HERC5: variants seen among roughly 807,000 people sequenced by gnomAD.
The protein encoded by HERC5 is E3 ISG15--protein ligase HERC5.
A neutral mutation model predicts 119.6 loss-of-function variants in HERC5; 99 were observed. The ratio of observed to expected loss-of-function variants is 0.83; its 90% CI spans 0.70 to 0.98. The LOEUF is 0.98. HERC5 is among the 50% of genes least tolerant of loss of function. HERC5 has a pLI of 0.00. For synonymous variants in HERC5, 478 were observed against 445.9 expected, an observed-to-expected ratio of 1.07 and a Z score of -0.91; for missense variants, 1,267 against 1,241.3, an observed-to-expected ratio of 1.02 and a Z score of -0.31.
At chr4:88,470,975 CTT>C (rs532295563) in intron 10 of HERC5, among the ~76,000 whole-genome samples, 1 of 144,826 alleles carries the variant, frequency 6.9e-6, no homozygotes. Flanking sequence ...TTGTTTTTTT[CTT>C]TTTTTTTTTG....
In HERC5 at chr4:88,504,600, A is replaced by G. The variant is rs1742052384; in HGVS notation, c.2869+3A>G. 1 of 1,522,410 alleles carries G rather than the reference A, an allele frequency of 6.6e-7. No homozygotes were observed. 94.3% of individuals were successfully genotyped at this position (1,522,410 alleles called of 1,614,324 possible). On this transcript the variant is annotated splice_donor_region_variant and intron_variant, in intron 22 of 22. Transcript: ENST00000264350. ...GGAAGAAAAGAAAAAATTCCTTGGT[A>G]AGTATTATATCAAGGAATAGATCTG...
chr4:88,462,925 G>A (rs1349485227), intron 4 of HERC5, among the ~76,000 whole-genome samples: 1 of 152,128 alleles, frequency 6.6e-6, no homozygotes, highest in African/African-American at 2.4e-5. Flanking sequence ...AGAGTTTTCA[G>A]GTGTAAGAAA....
At position 88,457,460 on chromosome 4, in the gene HERC5, C is replaced by A. The variant is rs1358056166; in HGVS notation, c.191C>A (p.Ala64Glu). 2.2e-6 allele frequency: 3 copies of A among 1,345,006 alleles called. No homozygotes were observed. Among genetic ancestry groups the A allele is most frequent in the Admixed American group, 3.4e-5 (1 of 29,378 alleles). 83.3% of individuals were successfully genotyped at this position (1,345,006 alleles called of 1,614,324 possible). A position where few individuals can be genotyped will look rare whatever the true frequency, so the allele number is the denominator to read the frequency against. The change falls in exon 1 of 23, where the codon GCG (alanine) becomes GAG (glutamate). Residue 64 changes from alanine (A) to glutamate (E), a missense_variant. Transcript: ENST00000264350. ...RQLCCSPGRL[A>E]VLERGGAGVQ... ...CTCTGCTGCTCGCCGGGGCGCCTCG[C>A]GGTCTTGGAACGCGGCGGGGCGGGC...
intron 3 of HERC5, among the ~76,000 whole-genome samples, chr4:88,461,300 C>T (rs764345587): frequency 6.6e-6 from 1 of 152,116 alleles, no homozygotes; most frequent in Non-Finnish European, 1.5e-5. Flanking sequence ...ACAAGCCCTG[C>T]CTTTAAGAAG....
At chr4:88,479,618 T>C (rs941643241) in intron 13 of HERC5, 111 bp downstream of exon 13, 2 of 737,726 alleles carry the variant, frequency 2.7e-6, no homozygotes. Context: ...GAAGTTTATA[T>C]TGCTATTTTT....
At chr4:88,494,408 A>T in intron 18 of HERC5, 77 bp downstream of exon 18, 1 of 1,175,818 alleles carries the variant, frequency 8.5e-7, no homozygotes, top group Admixed American at 2.5e-5. Flanking sequence ...CACGCTTCAT[A>T]ATATTTCCAT....
chr4:88,497,627 ATTAT>A (rs1274792239), intron 18 of HERC5, among the ~76,000 whole-genome samples: 2 of 152,230 alleles, frequency 1.3e-5, no homozygotes, highest in Non-Finnish European at 2.9e-5. Flanking sequence ...AGCAGGGAGA[ATTAT>A]TTAAAGTGGA....
chr4:88,475,675 G>A (rs1741038628), intron 11 of HERC5, among the ~76,000 whole-genome samples, 166 bp from the exon 12 acceptor site: 1 of 152,090 alleles, frequency 6.6e-6, no homozygotes, highest in Non-Finnish European at 1.5e-5. Flanking sequence ...ATATTTTGGA[G>A]GCTAGGTGAG....
At chr4:88,477,031 T>C (rs1187201778) in intron 12 of HERC5, among the ~76,000 whole-genome samples, 1 of 149,176 alleles carries the variant, frequency 6.7e-6, no homozygotes, top group Non-Finnish European at 1.5e-5. Flanking sequence ...AAATTTCTCT[T>C]CTTTTCCCAA....
rs572245071 is a variant in HERC5 at position 88,457,980 on chromosome 4, C to T, written c.265+446C>T. On this transcript the variant is annotated intron_variant, in intron 1 of 22. Transcript: ENST00000264350. ...TTCAGTTGCACTTCTCCCACATTCT[C>T]ATCGAAGTGGGGGAAATAGTTGCCC... The T allele has an allele frequency of 4.2e-5, 42 of 991,274 alleles. No homozygotes were observed. The African/African-American group carries it at 6.8e-4, about 16-fold the overall frequency. 61.4% of individuals were successfully genotyped at this position (991,274 alleles called of 1,614,324 possible).
chr4:88,484,642 G>T (rs186837633), intron 13 of HERC5, among the ~76,000 whole-genome samples: 2 of 152,312 alleles, frequency 1.3e-5, no homozygotes, highest in African/African-American at 4.8e-5. Flanking sequence ...TATGGCAGTG[G>T]AGGAAAGAGC....
intron 20 of HERC5, among the ~76,000 whole-genome samples, chr4:88,503,491 AT>A (rs1742006162): frequency 6.6e-6 from 1 of 152,184 alleles, no homozygotes; most frequent in African/African-American, 2.4e-5. Context: ...GTATATTAGC[AT>A]CTATACTATA....
intron 16 of HERC5, 53 bp from the exon 17 acceptor site, chr4:88,492,959 A>G (rs963410091): frequency 3.1e-5 from 48 of 1,551,640 alleles, no homozygotes; most frequent in Non-Finnish European, 3.9e-5. Flanking sequence ...GAGACTTCAT[A>G]TATAGCAATA....
rs377473460 is a variant in HERC5, at chr4:88,482,119, G to A, written c.1737+2612G>A. Among the ~76,000 whole-genome samples, 7 of 152,162 alleles carry A rather than the reference G, an allele frequency of 4.6e-5. No individual in the cohort carries two copies. In the South Asian group the frequency reaches 1.0e-3, roughly 23 times the overall value. On this transcript the variant is annotated intron_variant, in intron 13 of 22. Coordinates refer to ENST00000264350, the MANE Select transcript of HERC5 (RefSeq NM_016323.4). ...AAGGTTAGGAGTTCAAGACCAGCCT[G>A]ACCAACATAGTGAAACCTCGTCTCT...
chr4:88,480,398 A>G (rs948305822), intron 13 of HERC5, among the ~76,000 whole-genome samples: 5 of 149,430 alleles, frequency 3.3e-5, no homozygotes, highest in African/African-American at 1.2e-4. Context: ...TAGCTTATCC[A>G]TTCCAATATT....
rs759493528 is a variant in HERC5, at chr4:88,463,514, A to G, written c.689-18A>G. 9 of 1,575,168 alleles carry G rather than the reference A, an allele frequency of 5.7e-6. No homozygotes were observed. The highest frequency in any genetic ancestry group is 1.7e-5 in the Admixed American group (1 of 59,174). On this transcript the variant is annotated intron_variant, in intron 4 of 22. Coordinates refer to ENST00000264350, the MANE Select transcript of HERC5 (RefSeq NM_016323.4). ...GCATTTCCTTTTGGTCACTTCAGCT[A>G]TTTTTTTCCTTACATAGGTAAAGAT...
chr4:88,463,712 A>G, intron 5 of HERC5, 89 bp downstream of exon 5: 1 of 1,389,160 alleles, frequency 7.2e-7, no homozygotes, highest in Admixed American at 1.8e-5. Context: ...AAAGGTCATC[A>G]CTTCCTGTAT....
chr4:88,457,546 T>G lies in HERC5; in HGVS notation c.265+12T>G. 1 of 1,264,128 alleles carries G rather than the reference T, an allele frequency of 7.9e-7. No homozygotes were observed. Among genetic ancestry groups the G allele is most frequent in the Non-Finnish European group, 1.0e-6 (1 of 1,004,462 alleles). 78.3% of individuals were successfully genotyped at this position (1,264,128 alleles called of 1,614,324 possible). On this transcript the variant is annotated intron_variant, in intron 1 of 22. Coordinates refer to ENST00000264350, the MANE Select transcript of HERC5 (RefSeq NM_016323.4). Reference sequence around the variant, plus strand: ...CGCCCGGACGCCGAGTGAGTGGGGCTGGTGTGTGAGGGCTGTGAGGGCTGT... The same window carrying G: ...CGCCCGGACGCCGAGTGAGTGGGGCGGGTGTGTGAGGGCTGTGAGGGCTGT...
At chr4:88,469,406 C>T in intron 9 of HERC5, 146 bp downstream of exon 9, 1 of 671,672 alleles carries the variant, frequency 1.5e-6, no homozygotes, top group Non-Finnish European at 2.7e-6. Flanking sequence ...CTGTCTCTAT[C>T]TTTATCTCTA....
Sources: gnomAD v4.1 joint callset for allele counts (sites outside exome capture counted in the v4.1 genomes callset) on GRCh38, gnomAD v4.1.1 for gene constraint, MANE v1.5 for transcripts, NCBI Gene and HGNC (gene_info 2026-07-23, HGNC 2026-07-21) for gene names.